The following BCO2 variants were observed in gnomAD, a reference collection of about 807,000 sequenced individuals.
BCO2 encodes beta-carotene oxygenase 2.
Under a neutral mutation model 65.8 loss-of-function variants are expected in BCO2, and 56 were observed. The ratio of observed to expected loss-of-function variants is 0.85; its 90% CI spans 0.69 to 1.06. The LOEUF is 1.06. Among genes scored for constraint, BCO2 ranks in the 50% least tolerant of loss-of-function variants. The pLI, the probability that BCO2 is intolerant of heterozygous loss-of-function variation, is 0.00. For synonymous variants in BCO2, 233 were observed against 242.3 expected (o/e 0.96, Z 0.36); for missense variants, 675 against 698.5 (o/e 0.97, Z 0.38).
chr11:112,182,627 C>T (rs1867084458), intron 2 of BCO2, among the ~76,000 whole-genome samples: 1 of 151,170 alleles, frequency 6.6e-6, no homozygotes, highest in Non-Finnish European at 1.5e-5. Context: ...CGCATGTTCT[C>T]ACTCATAGGT....
chr11:112,193,412 C>A, intron 2 of BCO2, 62 bp from the exon 3 acceptor site: 1 of 1,398,982 alleles, frequency 7.1e-7, no homozygotes, highest in Non-Finnish European at 1.0e-6. Flanking sequence ...ATCTATCACT[C>A]TGTCCCTCAT....
chr11:112,214,874 A>G lies in BCO2; in HGVS notation c.1445A>G (p.Tyr482Cys), dbSNP rs1859616318. The change falls in exon 10 of 12, where the codon TAT (tyrosine) becomes TGT (cysteine). Residue 482 changes from tyrosine (Y) to cysteine (C), a missense_variant. Physicochemically the swap from Tyr to Cys is radical, Grantham distance 194. Transcript: ENST00000357685. ...RFSGKKYHFF[Y>C]GCGFRHLVGD... ...AGTGGCAAAAAGTATCATTTCTTTT[A>G]TGGCTGTGGCTTTCGGCATTTAGTG... is the stretch of plus-strand genomic sequence containing the variant. 6.2e-7 allele frequency: 1 copy of G among 1,614,052 alleles called. No homozygotes were observed. The highest frequency in any genetic ancestry group is 8.5e-7 in the Non-Finnish European group (1 of 1,180,024).
At chr11:112,194,856 A>C (rs1867523465) in intron 5 of BCO2, 101 bp downstream of exon 5, 2 of 744,708 alleles carry the variant, frequency 2.7e-6, no homozygotes, top group Non-Finnish European at 4.5e-6. Context: ...GCACAAGTAG[A>C]GAGAGGGTGC....
At chr11:112,212,592 G>A (rs1859542625) in intron 8 of BCO2, among the ~76,000 whole-genome samples, 1 of 152,146 alleles carries the variant, frequency 6.6e-6, no homozygotes. Flanking sequence ...AGGAAACCAG[G>A]TACATGCTTC....
chr11:112,190,955 C>T (rs1867369490), intron 2 of BCO2, among the ~76,000 whole-genome samples: 1 of 148,582 alleles, frequency 6.7e-6, no homozygotes. Context: ...TAATATATAT[C>T]TCTTGGTATA....
At position 112,201,872 on chromosome 11, in the gene BCO2, T is replaced by C. The variant is rs1466182989; in HGVS notation, c.1027-151T>C. 3 of 552,546 alleles carry C rather than the reference T, an allele frequency of 5.4e-6. No individual in the cohort carries two copies. The African/African-American group carries it at 5.8e-5, about 11-fold the overall frequency. 34.2% of individuals were successfully genotyped at this position (552,546 alleles called of 1,614,324 possible). A position where few individuals can be genotyped will look rare whatever the true frequency, so the allele number is the denominator to read the frequency against. On this transcript the variant is annotated intron_variant, in intron 7 of 11. Coordinates refer to ENST00000357685, the MANE Select transcript of BCO2 (RefSeq NM_031938.7). ...GCATATTTGCTTCTACATTCTGTATTCTACTTTTATATATACTGGACCTGC... is the reference window on the plus strand; with the variant it reads ...GCATATTTGCTTCTACATTCTGTATCCTACTTTTATATATACTGGACCTGC...
intron 2 of BCO2, 58 bp downstream of exon 2, chr11:112,179,540 A>T: frequency 7.2e-7 from 1 of 1,393,228 alleles, no homozygotes. Context: ...GTTCTGTGGA[A>T]TATGCATTAA....
rs775138294 is a variant in BCO2 at position 112,202,076 on chromosome 11, T to C, written c.1080T>C (p.Asn360=). 1 of 1,613,348 alleles carries C rather than the reference T, an allele frequency of 6.2e-7. No homozygotes were observed. The highest frequency in any genetic ancestry group is 8.5e-7 in the Non-Finnish European group (1 of 1,179,604). ...SKPFVTFHQI[N]AFEDQGCVII... ...CTTTTGTTACATTTCATCAAATCAATGCCTTTGAGGACCAGGGCTGTGTTA... is the reference window on the plus strand; with the variant it reads ...CTTTTGTTACATTTCATCAAATCAACGCCTTTGAGGACCAGGGCTGTGTTA... Residue 360 remains asparagine (N), a synonymous_variant, in exon 8 of 12, where the codon AAT becomes AAC. Transcript: ENST00000357685.
chr11:112,184,646 A>G (rs1867150420), intron 2 of BCO2, among the ~76,000 whole-genome samples: 1 of 152,172 alleles, frequency 6.6e-6, no homozygotes, highest in East Asian at 1.9e-4. Context: ...CCAAGATGTA[A>G]TACCAATCAG....
intron 9 of BCO2, 179 bp from the exon 10 acceptor site, chr11:112,214,583 A>G (rs1859603478): frequency 6.8e-6 from 4 of 586,544 alleles, no homozygotes; most frequent in South Asian, 4.4e-5. Flanking sequence ...ATAAAACTTG[A>G]TAATCATTAT....
chr11:112,194,002 A>G lies in BCO2; in HGVS notation c.633+8A>G. 2.1e-6 allele frequency: 3 copies of G among 1,401,678 alleles called. No homozygotes were observed. Among genetic ancestry groups the G allele is most frequent in the Non-Finnish European group, 2.0e-6 (2 of 986,978 alleles). The allele number at this position is 1,401,678 out of a possible 1,614,324, so 86.8% of individuals were successfully genotyped here. A position where few individuals can be genotyped will look rare whatever the true frequency, so the allele number is the denominator to read the frequency against. ...CTGGAAAAAACAGAAAAGGTAAAGT[A>G]CAGGTAAAAAAAAATGAATAAAATA... On this transcript the variant is annotated splice_region_variant and intron_variant, in intron 4 of 11. Coordinates refer to ENST00000357685, the MANE Select transcript of BCO2 (RefSeq NM_031938.7).
Position 112,218,139 on chromosome 11 carries a change from G to C in BCO2, c.*265G>C, listed in dbSNP as rs187321587. On this transcript the variant is annotated 3_prime_UTR_variant, in exon 12 of 12. Transcript: ENST00000357685. ...AAATAAAAATAAAAAGAAAAACAAA[G>C]AATGTACTCTATACAAAAGACAGAG... The C allele has an allele frequency of 1.6e-5, 5 of 308,022 alleles. No individual in the cohort carries two copies. The highest frequency in any genetic ancestry group is 2.4e-5 in the Non-Finnish European group (4 of 166,996). The allele number at this position is 308,022 out of a possible 1,614,324, so 19.1% of individuals were successfully genotyped here. A position where few individuals can be genotyped will look rare whatever the true frequency, so the allele number is the denominator to read the frequency against.
intron 2 of BCO2, chr11:112,180,834 A>G (rs1032537084): frequency 2.8e-6 from 3 of 1,057,406 alleles, no homozygotes; most frequent in African/African-American, 1.5e-5. Context: ...GTTGTTGTAT[A>G]TGGAACTTTA....
At chr11:112,198,711 G>A (rs1008551113) in intron 5 of BCO2, among the ~76,000 whole-genome samples, 2 of 152,058 alleles carry the variant, frequency 1.3e-5, no homozygotes, top group African/African-American at 2.4e-5. Context: ...TGATGAGAAA[G>A]GATGAAATGG....
At chr11:112,215,127 T>C (rs1461831262) in intron 10 of BCO2, 183 bp downstream of exon 10, 2 of 611,070 alleles carry the variant, frequency 3.3e-6, no homozygotes, top group Non-Finnish European at 5.7e-6. Context: ...GAATCCAAAT[T>C]GACCCCAGGC....
At chr11:112,213,976 C>A in intron 9 of BCO2, 115 bp downstream of exon 9, 2 of 897,026 alleles carry the variant, frequency 2.2e-6, no homozygotes, top group Non-Finnish European at 3.3e-6. Context: ...TTCATCCGAG[C>A]AGGTTAAGGT....
intron 2 of BCO2, among the ~76,000 whole-genome samples, chr11:112,184,292 G>A (rs185834068): frequency 2.7e-5 from 4 of 149,632 alleles, no homozygotes; most frequent in Admixed American, 1.3e-4. Flanking sequence ...TCGCTGTGTC[G>A]CCCAGGCTGG....
At chr11:112,206,630 AT>A (rs1859349407) in intron 8 of BCO2, among the ~76,000 whole-genome samples, 1 of 152,126 alleles carries the variant, frequency 6.6e-6, no homozygotes, top group African/African-American at 2.4e-5. Context: ...TTTGAGTATA[AT>A]TCCTTATTGG....
At chr11:112,216,019 A>C in intron 10 of BCO2, 1 of 571,782 alleles carries the variant, frequency 1.7e-6, no homozygotes. Flanking sequence ...TAAGCTATTC[A>C]TGAGGGACTG....
Sources: allele counts gnomAD v4.1 joint callset (sites outside exome capture counted in the v4.1 genomes callset), GRCh38; gene constraint gnomAD v4.1.1; transcripts MANE v1.5; gene names NCBI Gene and HGNC (gene_info 2026-07-23, HGNC 2026-07-21).